RNF144A: variants seen among roughly 807,000 people sequenced by gnomAD.
The protein encoded by RNF144A is E3 ubiquitin-protein ligase RNF144A.
Under a neutral mutation model 38.7 loss-of-function variants are expected in RNF144A, and 11 were observed. That is an observed-to-expected ratio of 0.28 (90% CI 0.18 to 0.47). RNF144A has a LOEUF of 0.47. Ranked by LOEUF, RNF144A falls within the 20% of genes least tolerant of loss-of-function variation. The probability of loss-of-function intolerance (pLI) is 0.99; values close to 1 mark genes in which losing one functional copy is unlikely to be tolerated. For missense variants in RNF144A, 316 were observed against 377.2 expected (o/e 0.84, Z 1.34); for synonymous variants, 149 against 143.9 (o/e 1.04, Z -0.25).
At chr2:6,955,298 G>A (rs1023109425) in intron 2 of RNF144A, among the ~76,000 whole-genome samples, 3 of 152,064 alleles carry the variant, frequency 2.0e-5, no homozygotes, top group Non-Finnish European at 2.9e-5. Context: ...AATAAAATTC[G>A]GCTTAGGCTC....
At chr2:6,961,850 T>C (rs769250381) in intron 2 of RNF144A, among the ~76,000 whole-genome samples, 3 of 152,214 alleles carry the variant, frequency 2.0e-5, no homozygotes, top group Non-Finnish European at 4.4e-5. Context: ...GTGTGTGGTA[T>C]TGTGGAAGTA....
At chr2:6,960,316 G>A (rs1390229942) in intron 2 of RNF144A, among the ~76,000 whole-genome samples, 1 of 152,162 alleles carries the variant, frequency 6.6e-6, no homozygotes, top group Admixed American at 6.5e-5. Flanking sequence ...TCAACTCTTA[G>A]AATCTGCCTT....
downstream of RNF144A, among the ~76,000 whole-genome samples, chr2:7,070,696 A>G (rs1287886663): frequency 6.6e-6 from 1 of 152,224 alleles, no homozygotes; most frequent in Non-Finnish European, 1.5e-5. Flanking sequence ...AGTGCTATGT[A>G]AAAACAGAGA....
chr2:6,964,235 G>A (rs925137610), intron 2 of RNF144A, among the ~76,000 whole-genome samples: 6 of 152,138 alleles, frequency 3.9e-5, no homozygotes, highest in Admixed American at 2.0e-4. Context: ...ATCATCACTG[G>A]CCATCAGAGA....
chr2:6,971,572 C>T (rs1171175235), intron 2 of RNF144A, among the ~76,000 whole-genome samples: 10 of 152,162 alleles, frequency 6.6e-5, no homozygotes, highest in Admixed American at 3.3e-4. Context: ...TTGCAGTCTT[C>T]AGCTGTGTGG....
rs1185973583 is a variant in RNF144A, at chr2:7,043,406, T to C, written c.*3646T>C. The C allele has an allele frequency of 2.0e-6, 2 of 985,568 alleles. No individual in the cohort carries two copies. The highest frequency in any genetic ancestry group is 2.3e-4 in the East Asian group (2 of 8,824). The allele number at this position is 985,568 out of a possible 1,614,324, so 61.1% of individuals were successfully genotyped here. ...TTTAAAAATTAGGGGATTGAAAGGA[T>C]CCAGGATGGGCTTTGTGTGTGTGTC... is the stretch of plus-strand genomic sequence containing the variant. On this transcript the variant is annotated 3_prime_UTR_variant, in exon 9 of 9. Transcript: ENST00000320892.
chr2:6,922,919 C>T (rs933109630), intron 1 of RNF144A, among the ~76,000 whole-genome samples: 12 of 152,306 alleles, frequency 7.9e-5, no homozygotes, highest in Middle Eastern at 3.4e-3. Context: ...CCACCGCGCC[C>T]GGCCTCCTGC....
rs776636958 is a variant in RNF144A, at chr2:7,041,291, G to A, written c.*1531G>A. On this transcript the variant is annotated 3_prime_UTR_variant, in exon 9 of 9. Coordinates refer to ENST00000320892, the MANE Select transcript of RNF144A (RefSeq NM_014746.6). ...TTCTGCATTTGAGTATCAGTCTCAG[G>A]TCCTAGTTTACTTTCCCTGGTTGGA... is the stretch of plus-strand genomic sequence containing the variant. The A allele has an allele frequency of 5.1e-6, 5 of 985,742 alleles. No individual in the cohort carries two copies. Among genetic ancestry groups the A allele is most frequent in the Non-Finnish European group, 6.0e-6 (5 of 829,938 alleles). 61.1% of individuals were successfully genotyped at this position (985,742 alleles called of 1,614,324 possible). A position where few individuals can be genotyped will look rare whatever the true frequency, so the allele number is the denominator to read the frequency against.
chr2:6,971,868 T>C (rs1160705032), intron 2 of RNF144A, among the ~76,000 whole-genome samples: 1 of 152,218 alleles, frequency 6.6e-6, no homozygotes, highest in African/African-American at 2.4e-5. Flanking sequence ...GATAAGATAG[T>C]ATACAATGTT....
intron 2 of RNF144A, among the ~76,000 whole-genome samples, chr2:6,991,804 T>C (rs1479007962): frequency 6.6e-6 from 1 of 152,124 alleles, no homozygotes; most frequent in Non-Finnish European, 1.5e-5. Context: ...CACATACATA[T>C]ATATCTCTCT....
At chr2:6,922,267 G>A (rs1237822186) in intron 1 of RNF144A, among the ~76,000 whole-genome samples, 4 of 92,858 alleles carry the variant, frequency 4.3e-5, no homozygotes, top group South Asian at 3.6e-4. Flanking sequence ...CATTAGCCCC[G>A]TGCATGTGCT....
At chr2:7,001,336 C>T (rs1670086070) in intron 3 of RNF144A, among the ~76,000 whole-genome samples, 1 of 150,834 alleles carries the variant, frequency 6.6e-6, no homozygotes, top group South Asian at 2.1e-4. Context: ...GAAACTCCAT[C>T]TCAATAAATA....
In RNF144A at chr2:7,041,937, G is replaced by A. The variant is rs1673069456; in HGVS notation, c.*2177G>A. ...GTCTCTGGCCCAGTCATGCACATCT[G>A]TAGCCCCAGCCATCCTTGTGCCTTC... On this transcript the variant is annotated 3_prime_UTR_variant, in exon 9 of 9. Coordinates refer to ENST00000320892, the MANE Select transcript of RNF144A (RefSeq NM_014746.6). The A allele has an allele frequency of 3.0e-6, 3 of 985,392 alleles. No homozygotes were observed. The highest frequency in any genetic ancestry group is 3.6e-6 in the Non-Finnish European group (3 of 829,934). The allele number at this position is 985,392 out of a possible 1,614,324, so 61.0% of individuals were successfully genotyped here.
intron 2 of RNF144A, among the ~76,000 whole-genome samples, chr2:6,955,611 C>T (rs1425928180): frequency 1.3e-5 from 2 of 152,188 alleles, no homozygotes; most frequent in Non-Finnish European, 2.9e-5. Flanking sequence ...ATTTCCTTTA[C>T]AATCATCACT....
rs1224525298 is a variant in RNF144A at position 7,041,924 on chromosome 2, G to A, written c.*2164G>A. ...TTCTGTTGGAAGAGTCTCTGGCCCA[G>A]TCATGCACATCTGTAGCCCCAGCCA... On this transcript the variant is annotated 3_prime_UTR_variant, in exon 9 of 9. Coordinates refer to ENST00000320892, the MANE Select transcript of RNF144A (RefSeq NM_014746.6). 2.0e-6 allele frequency: 2 copies of A among 985,424 alleles called. No individual in the cohort carries two copies. The highest frequency in any genetic ancestry group is 2.4e-6 in the Non-Finnish European group (2 of 829,944). 61.0% of individuals were successfully genotyped at this position (985,424 alleles called of 1,614,324 possible).
At chr2:7,021,989 A>G (rs1671564569) in intron 6 of RNF144A, among the ~76,000 whole-genome samples, 1 of 152,248 alleles carries the variant, frequency 6.6e-6, no homozygotes, top group South Asian at 2.1e-4. Flanking sequence ...GAAATTTTTA[A>G]ATCAGAAGAT....
chr2:6,998,672 GC>G (rs1318416526), intron 3 of RNF144A, among the ~76,000 whole-genome samples: 1 of 152,196 alleles, frequency 6.6e-6, no homozygotes, highest in Non-Finnish European at 1.5e-5. Context: ...AAAGGAAGTT[GC>G]TTTTGACATT....
At chr2:7,074,513 G>A in the RNF144A span, 2 of 152,156 alleles carry the variant, frequency 1.3e-5, no homozygotes, top group African/African-American at 4.8e-5. Context: ...TAAAAATTTT[G>A]TGTTGTCAAT....
At chr2:7,034,194 C>G (rs1397503381) in intron 8 of RNF144A, among the ~76,000 whole-genome samples, 2 of 151,756 alleles carry the variant, frequency 1.3e-5, no homozygotes, top group East Asian at 3.9e-4. Flanking sequence ...TTCTTCCTTT[C>G]TTTGAAGGCA....
Sources: allele counts gnomAD v4.1 joint callset (sites outside exome capture counted in the v4.1 genomes callset), GRCh38; gene constraint gnomAD v4.1.1; transcripts MANE v1.5; gene names NCBI Gene and HGNC (gene_info 2026-07-23, HGNC 2026-07-21).